IRS1: variants seen among roughly 807,000 people sequenced by gnomAD.
The protein encoded by IRS1 is insulin receptor substrate 1.
IRS1 carries 34 observed loss-of-function variants against 65.6 expected under a neutral mutation model. The ratio of observed to expected loss-of-function variants is 0.52; its 90% CI spans 0.39 to 0.69. The LOEUF (loss-of-function observed/expected upper bound fraction) is 0.69, where lower values mean the gene tolerates loss of function less well. Ranked by LOEUF, IRS1 falls within the 30% of genes least tolerant of loss-of-function variation. The pLI is 0.00. For missense variants in IRS1, 1,641 were observed against 1,720.2 expected, an observed-to-expected ratio of 0.95 and a Z score of 0.81; for synonymous variants, 699 against 683.5, an observed-to-expected ratio of 1.02 and a Z score of -0.35.
Position 226,796,498 on chromosome 2 carries a change from G to A in IRS1, c.2241C>T (p.Ser747=), listed in dbSNP as rs150579746. ...PVGDSNTSSP[S]DCYYGPEDPQ... ...GGTCCTCAGGGCCGTAGTAGCAGTC[G>A]GAGGGGCTGCTGGTGTTGGAGTCCC... Residue 747 remains serine, a synonymous_variant, in exon 1 of 2, where the codon TCC becomes TCT. Coordinates refer to ENST00000305123, the MANE Select transcript of IRS1 (RefSeq NM_005544.3). The A allele has an allele frequency of 8.9e-5, 143 of 1,613,794 alleles. 2 individuals carry two copies. The Admixed American group carries it at 1.6e-3, about 19-fold the overall frequency.
At chr2:226,792,025 A>C (rs959454516) in intron 1 of IRS1, 1 of 152,370 alleles carries the variant, frequency 6.6e-6, no homozygotes, top group Non-Finnish European at 1.5e-5. Flanking sequence ...AAAAGGCCAC[A>C]GGGCTGGGGA....
intron 1 of IRS1, among the ~76,000 whole-genome samples, chr2:226,784,682 C>G (rs919801925): frequency 6.6e-6 from 1 of 152,238 alleles, no homozygotes; most frequent in Non-Finnish European, 1.5e-5. Context: ...CTCAGCCTCC[C>G]AAAGTGCTGG....
At chr2:226,766,153 A>ATTTT (rs1422570346) in intron 1 of IRS1, among the ~76,000 whole-genome samples, 4 of 4,812 alleles carry the variant, frequency 8.3e-4, no homozygotes, top group Admixed American at 4.5e-3. Flanking sequence ...ATATATATAT[A>ATTTT]TATATATATA....
At chr2:226,792,337 G>C (rs1939628210) in intron 1 of IRS1, 1 of 152,128 alleles carries the variant, frequency 6.6e-6, no homozygotes, top group African/African-American at 2.4e-5. Flanking sequence ...TGCTTCTTGG[G>C]CTCTCAATTT....
At chr2:226,757,936 T>G (rs1022254271) in intron 1 of IRS1, among the ~76,000 whole-genome samples, 20 of 152,344 alleles carry the variant, frequency 1.3e-4, no homozygotes, top group Non-Finnish European at 2.5e-4. Context: ...CACATTTGTG[T>G]TTTTAGCCCT....
At chr2:226,776,835 G>A (rs1339589727) in intron 1 of IRS1, among the ~76,000 whole-genome samples, 2 of 152,180 alleles carry the variant, frequency 1.3e-5, no homozygotes, top group Non-Finnish European at 2.9e-5. Flanking sequence ...GAATCCAGGA[G>A]GCAGAGGCTG....
chr2:226,749,209 G>A (rs191331112), intron 1 of IRS1, among the ~76,000 whole-genome samples: 1 of 152,080 alleles, frequency 6.6e-6, no homozygotes, highest in Admixed American at 6.6e-5. Flanking sequence ...TGTCACAAGC[G>A]GGCCATGGCC....
chr2:226,793,078 TAG>T (rs981034064), intron 1 of IRS1, among the ~76,000 whole-genome samples: 13 of 152,226 alleles, frequency 8.5e-5, no homozygotes, highest in Non-Finnish European at 1.5e-4. Flanking sequence ...TAGAATTTTG[TAG>T]AGTTTTTGTT....
rs555907372 is a variant in IRS1 at position 226,799,290 on chromosome 2, C to G, written c.-552G>C. The stretch of plus-strand genomic sequence containing the variant: ...CTCCTCCTTCGCCTCCTCCCACCCC[C>G]CAACCGTCCCAGCCGCCACCAGCCG... On this transcript the variant is annotated 5_prime_UTR_variant, in exon 1 of 2. Coordinates refer to ENST00000305123, the MANE Select transcript of IRS1 (RefSeq NM_005544.3). The surrounding 1 kb of genome is among the most constrained non-coding windows in gnomAD (Gnocchi z 6.1). 4.1e-5 allele frequency: 49 copies of G among 1,196,806 alleles called. No individual in the cohort carries two copies. The highest frequency in any genetic ancestry group is 3.0e-4 in the Admixed American group (9 of 30,192). 74.1% of individuals were successfully genotyped at this position (1,196,806 alleles called of 1,614,324 possible).
intron 1 of IRS1, among the ~76,000 whole-genome samples, chr2:226,764,046 T>C (rs933485275): frequency 6.6e-6 from 1 of 151,612 alleles, no homozygotes; most frequent in South Asian, 2.1e-4. Context: ...TGCCAAATGA[T>C]GAAAAATGGA....
At chr2:226,743,450 G>A (rs1445223011) in intron 1 of IRS1, among the ~76,000 whole-genome samples, 1 of 152,128 alleles carries the variant, frequency 6.6e-6, no homozygotes, top group African/African-American at 2.4e-5. Flanking sequence ...GGCTGGTCTC[G>A]AACTCCCAAC....
At chr2:226,778,137 C>A (rs1939309405) in intron 1 of IRS1, among the ~76,000 whole-genome samples, 1 of 152,036 alleles carries the variant, frequency 6.6e-6, no homozygotes, top group Admixed American at 6.6e-5. Context: ...TAAATATGGT[C>A]ATCGTGTTTT....
chr2:226,798,331 G>A lies in IRS1; in HGVS notation c.408C>T (p.Cys136=). ...CCTCACCAAGGCCGGAGCTGCCGCTGCAGCTGCCCCCACCACCTCCCGCCC... is the reference window on the plus strand; with the variant it reads ...CCTCACCAAGGCCGGAGCTGCCGCTACAGCTGCCCCCACCACCTCCCGCCC... The part of the protein sequence containing the change: ...ALGAGGGGGS[C]SGSSGLGEAG... The change falls in exon 1 of 2, where the codon TGC becomes TGT. Residue 136 remains cysteine (C), a synonymous_variant. Transcript: ENST00000305123. The surrounding 1 kb of genome is among the most constrained non-coding windows in gnomAD (Gnocchi z 9.4). 1 of 1,613,418 alleles carries A rather than the reference G, an allele frequency of 6.2e-7. No homozygotes were observed. Among genetic ancestry groups the A allele is most frequent in the Non-Finnish European group, 8.5e-7 (1 of 1,179,894 alleles).
chr2:226,733,644 G>A lies in IRS1; in HGVS notation c.*2628C>T, dbSNP rs1177947587. On this transcript the variant is annotated 3_prime_UTR_variant, in exon 2 of 2. Transcript: ENST00000305123. ...GCCACTAGAAGCCTCAATAATGAAA[G>A]CCCTTGGCTGGCCTACAAATGCTTT... 1 of 152,176 alleles carries A rather than the reference G, an allele frequency of 6.6e-6. No homozygotes were observed. The highest frequency in any genetic ancestry group is 1.5e-5 in the Non-Finnish European group (1 of 68,032). The allele number at this position is 152,176 out of a possible 1,614,324, so 9.4% of individuals were successfully genotyped here. A position where few individuals can be genotyped will look rare whatever the true frequency, so the allele number is the denominator to read the frequency against.
chr2:226,786,903 C>T (rs761977537), intron 1 of IRS1, among the ~76,000 whole-genome samples: 1 of 151,792 alleles, frequency 6.6e-6, no homozygotes, highest in Non-Finnish European at 1.5e-5. Flanking sequence ...AGCAATTATA[C>T]TTGCAGCCAG....
intron 1 of IRS1, among the ~76,000 whole-genome samples, chr2:226,769,509 T>C (rs1258040173): frequency 6.6e-6 from 1 of 152,212 alleles, no homozygotes. Context: ...GAGGCTGTCC[T>C]TCCAGCCAAC....
Position 226,799,439 on chromosome 2 carries a change from C to T in IRS1, c.-701G>A. ...CTGCAGCCCCCATCCGGGCCCATCT[C>T]GGCGGGTGGAGAAAGTGGCTTTTCC... is the stretch of plus-strand genomic sequence containing the variant. On this transcript the variant is annotated 5_prime_UTR_variant, in exon 1 of 2. Coordinates refer to ENST00000305123, the MANE Select transcript of IRS1 (RefSeq NM_005544.3). This position sits in a 1 kb window ranked among gnomAD's most constrained non-coding sequence, Gnocchi z 6.1. 2 of 1,201,728 alleles carry T rather than the reference C, an allele frequency of 1.7e-6. No individual in the cohort carries two copies. The highest frequency in any genetic ancestry group is 1.7e-5 in the African/African-American group (1 of 59,942). The allele number at this position is 1,201,728 out of a possible 1,614,324, so 74.4% of individuals were successfully genotyped here.
In IRS1 at chr2:226,798,375, C is replaced by T. The variant is rs559822183; in HGVS notation, c.364G>A (p.Asp122Asn). 1 of 1,613,892 alleles carries T rather than the reference C, an allele frequency of 6.2e-7. No homozygotes were observed. Residue 122 changes from aspartate (D) to asparagine (N), a missense_variant, in exon 1 of 2, where the codon GAC (aspartate) becomes AAC (asparagine). Coordinates refer to ENST00000305123, the MANE Select transcript of IRS1 (RefSeq NM_005544.3). This position sits in a 1 kb window ranked among gnomAD's most constrained non-coding sequence, Gnocchi z 9.4. ...QLHNRAKGHH[D>N]GAAALGAGGG... ...CCCGCCCCGAGGGCCGCAGCTCCGT[C>T]GTGGTGGCCCTTAGCACGGTTGTGC...
rs775312089 is a variant in IRS1, at chr2:226,796,279, G to A, written c.2460C>T (p.Tyr820=). 3.1e-6 allele frequency: 5 copies of A among 1,613,424 alleles called. No homozygotes were observed. The highest frequency in any genetic ancestry group is 3.3e-5 in the Admixed American group (2 of 60,010). ...GGCTGGGCTCCAGCCTAGCCCCGCA[G>A]TATCCCCCACCCAGGCTGTCGCTGC... is the stretch of plus-strand genomic sequence containing the variant. ...STSSDSLGGG[Y]CGARLEPSLP... The change falls in exon 1 of 2, where the codon TAC becomes TAT. Residue 820 remains tyrosine (Y), a synonymous_variant. Coordinates refer to ENST00000305123, the MANE Select transcript of IRS1 (RefSeq NM_005544.3).
Sources: allele counts gnomAD v4.1 joint callset (sites outside exome capture counted in the v4.1 genomes callset), GRCh38; gene constraint gnomAD v4.1.1; non-coding constraint Gnocchi (gnomAD v3.1); transcripts MANE v1.5; gene names NCBI Gene and HGNC (gene_info 2026-07-23, HGNC 2026-07-21).